Variants in AVEN observed in about 807,000 individuals in gnomAD.
The protein encoded by AVEN is apoptosis and caspase activation inhibitor.
AVEN carries 41 observed loss-of-function variants against 38.1 expected under a neutral mutation model. The observed-to-expected ratio is 1.08, with a 90% CI of 0.84 to 1.40. The LOEUF is 1.40. AVEN is among the 40% of genes most tolerant of loss of function. The pLI is 0.00. For missense variants in AVEN, 605 were observed against 438.8 expected, an observed-to-expected ratio of 1.38 and a Z score of -3.38; for synonymous variants, 206 against 171.8, an observed-to-expected ratio of 1.20 and a Z score of -1.56.
chr15:33,930,934 G>A (rs1462614254), intron 2 of AVEN, among the ~76,000 whole-genome samples: 3 of 136,610 alleles, frequency 2.2e-5, no homozygotes, highest in East Asian at 2.1e-4. Flanking sequence ...CAGCCTGGGC[G>A]ACACAGTGAG....
chr15:33,894,120 T>G (rs1567400621), intron 2 of AVEN, among the ~76,000 whole-genome samples: 1 of 152,044 alleles, frequency 6.6e-6, no homozygotes, highest in Non-Finnish European at 1.5e-5. Context: ...CGGCTAATTT[T>G]TGTATTTTTA....
intron 2 of AVEN, among the ~76,000 whole-genome samples, chr15:33,890,747 C>T (rs777578207): frequency 6.6e-6 from 1 of 152,110 alleles, no homozygotes; most frequent in Non-Finnish European, 1.5e-5. Flanking sequence ...AATATTCCAG[C>T]AATTACCACT....
At chr15:33,873,500 AATAT>A (rs918256708) in intron 3 of AVEN, among the ~76,000 whole-genome samples, 10 of 147,978 alleles carry the variant, frequency 6.8e-5, no homozygotes, top group Non-Finnish European at 1.3e-4. Context: ...TATAATATAT[AATAT>A]ATATATACAC....
chr15:34,031,261 G>A lies in AVEN; in HGVS notation c.267+7519C>T, dbSNP rs545707845. On this transcript the variant is annotated intron_variant, in intron 1 of 5. Transcript: ENST00000306730. Reference sequence around the variant, plus strand: ...GCGATCTCAGCTCACTGCAACCTCCGCCTCCCGGGTTCAAGCGATTCTCCT... The same window carrying A: ...GCGATCTCAGCTCACTGCAACCTCCACCTCCCGGGTTCAAGCGATTCTCCT... 3.8e-3 allele frequency among the ~76,000 whole-genome samples: 490 copies of A among 128,546 alleles called. 2 individuals carry two copies. The highest frequency in any genetic ancestry group is 0.014 in the African/African-American group (466 of 33,894). The allele number at this position is 128,546 out of a possible 152,430, so 84.3% of individuals were successfully genotyped here. A position where few individuals can be genotyped will look rare whatever the true frequency, so the allele number is the denominator to read the frequency against.
At chr15:33,857,988 A>C, downstream of AVEN, 4 of 1,588,152 alleles carry the variant, frequency 2.5e-6, no homozygotes, top group Non-Finnish European at 3.4e-6. Context: ...ACTGGGAAGA[A>C]GGGCTGTGTG....
chr15:33,974,380 T>C (rs1567442418), intron 2 of AVEN, among the ~76,000 whole-genome samples: 1 of 152,222 alleles, frequency 6.6e-6, no homozygotes, highest in Non-Finnish European at 1.5e-5. Flanking sequence ...TCTTTGCAAG[T>C]TACCTATGTT....
intron 1 of AVEN, 102 bp downstream of exon 1, chr15:34,038,678 G>A: frequency 6.8e-6 from 7 of 1,030,338 alleles, no homozygotes; most frequent in Non-Finnish European, 8.3e-6. Context: ...CCGCCCGTCT[G>A]GCGCGCGCCT....
At chr15:33,862,311 C>G (rs532753031), downstream of AVEN, among the ~76,000 whole-genome samples, 340 of 152,250 alleles carry the variant, frequency 2.2e-3, 3 homozygotes, top group African/African-American at 8.0e-3. Context: ...CTCCCAGGCT[C>G]AAGACATCCG....
chr15:34,028,672 A>G (rs1476969858), intron 1 of AVEN, among the ~76,000 whole-genome samples: 3 of 152,222 alleles, frequency 2.0e-5, no homozygotes, highest in South Asian at 2.1e-4. Context: ...ATCTAATGTC[A>G]GTCCTTACAA....
At chr15:33,989,285 A>C (rs1191340696) in intron 2 of AVEN, among the ~76,000 whole-genome samples, 1 of 152,142 alleles carries the variant, frequency 6.6e-6, no homozygotes, top group Non-Finnish European at 1.5e-5. Flanking sequence ...AATATGACCC[A>C]CAGTATATTC....
intron 5 of AVEN, among the ~76,000 whole-genome samples, chr15:34,059,401 C>T (rs761947864): frequency 2.8e-4 from 43 of 152,146 alleles, no homozygotes; most frequent in Non-Finnish European, 6.0e-4. Context: ...ATTCAGCAAG[C>T]GGTCAGATCA....
At chr15:33,926,050 A>G (rs1221412545) in intron 2 of AVEN, among the ~76,000 whole-genome samples, 1 of 152,226 alleles carries the variant, frequency 6.6e-6, no homozygotes, top group African/African-American at 2.4e-5. Flanking sequence ...CGGTTTCAAC[A>G]TAGTTTTTCA....
At chr15:34,044,621 A>G (rs371335715) in intron 5 of AVEN, among the ~76,000 whole-genome samples, 5 of 152,312 alleles carry the variant, frequency 3.3e-5, no homozygotes, top group African/African-American at 1.2e-4. Flanking sequence ...ATAACAAGAC[A>G]ATACTGCTCC....
chr15:34,047,795 CTGG>C (rs1899766118), intron 5 of AVEN, among the ~76,000 whole-genome samples: 1 of 151,952 alleles, frequency 6.6e-6, no homozygotes, highest in African/African-American at 2.4e-5. Context: ...GTCACCCAGG[CTGG>C]AGTGCAATGG....
chr15:33,871,119 A>T, intron 3 of AVEN, 89 bp from the exon 4 acceptor site: 1 of 846,516 alleles, frequency 1.2e-6, no homozygotes, highest in Non-Finnish European at 1.6e-6. Context: ...AATCCACTGG[A>T]GTTACATTTG....
rs927600967 is a variant in AVEN, at chr15:33,952,342, C to A, written c.445+50690G>T. On this transcript the variant is annotated intron_variant, in intron 2 of 5. Coordinates refer to ENST00000306730, the MANE Select transcript of AVEN (RefSeq NM_020371.3). ...TATACCTTGCAACCTATTCCCCAAA[C>A]TATTAGAAGATGACTCCTAAATCTA... 3.3e-5 allele frequency among the ~76,000 whole-genome samples: 5 copies of A among 152,276 alleles called. No individual in the cohort carries two copies. The East Asian group carries it at 9.6e-4, about 29-fold the overall frequency.
intron 2 of AVEN, among the ~76,000 whole-genome samples, chr15:33,933,518 CACACACAGAGAGAGAGAGAGAGAGAGAG>C (rs1161201567): frequency 6.1e-5 from 7 of 114,834 alleles, no homozygotes; most frequent in African/African-American, 2.5e-4. Flanking sequence ...CACACACACA[CACACACAGAGAGAGAGAGAGAGAGAGAG>C]AGAGAGAGAG....
intron 1 of AVEN, among the ~76,000 whole-genome samples, chr15:34,018,949 A>G (rs1453610827): frequency 6.6e-6 from 1 of 151,806 alleles, no homozygotes; most frequent in Non-Finnish European, 1.5e-5. Context: ...ACAATCCTTC[A>G]GCTAGACACA....
chr15:33,998,996 G>T (rs1897041546), intron 2 of AVEN, among the ~76,000 whole-genome samples: 1 of 152,174 alleles, frequency 6.6e-6, no homozygotes, highest in Admixed American at 6.5e-5. Context: ...CCTCTATCCA[G>T]CAGCCTGCTC....
Sources: gnomAD v4.1 joint callset for allele counts (sites outside exome capture counted in the v4.1 genomes callset) on GRCh38, gnomAD v4.1.1 for gene constraint, MANE v1.5 for transcripts, NCBI Gene and HGNC (gene_info 2026-07-23, HGNC 2026-07-21) for gene names.